LRRTM3: variants seen among roughly 807,000 people sequenced by gnomAD.
LRRTM3 encodes the protein leucine rich repeat transmembrane neuronal 3.
A neutral mutation model predicts 44.7 loss-of-function variants in LRRTM3; 24 were observed. That is an observed-to-expected ratio of 0.54 (90% confidence interval 0.39 to 0.76). LRRTM3 has a LOEUF of 0.76. Among genes scored for constraint, LRRTM3 ranks in the 30% least tolerant of loss-of-function variants. The pLI, the probability that LRRTM3 is intolerant of heterozygous loss-of-function variation, is 0.00. For missense variants in LRRTM3, 587 were observed against 702.2 expected, an observed-to-expected ratio of 0.84 and a Z score of 1.85; for synonymous variants, 277 against 278.7, an observed-to-expected ratio of 0.99 and a Z score of 0.06.
rs1160544866 is a variant in LRRTM3, at chr10:67,053,251, C to T, written c.1537-44336C>T. 3.9e-5 allele frequency among the ~76,000 whole-genome samples: 6 copies of T among 152,276 alleles called. No individual in the cohort carries two copies. The East Asian group carries it at 1.2e-3, about 29-fold the overall frequency. On this transcript the variant is annotated intron_variant, in intron 2 of 2. Coordinates refer to ENST00000361320, the MANE Select transcript of LRRTM3 (RefSeq NM_178011.5). ...ATAAGGCTACCTACACACTAGGATG[C>T]AGTGTTTTCCAAATACGCTAATCTT...
In LRRTM3 at chr10:66,972,542, T is replaced by C. The variant is rs73314105; in HGVS notation, c.1536+44090T>C. The stretch of plus-strand genomic sequence containing the variant: ...TGGTCCATTTGCTCTCGGAGAATAG[T>C]TAACTTTGTCATTAACAGGCCCATC... On this transcript the variant is annotated intron_variant, in intron 2 of 2. Coordinates refer to ENST00000361320, the MANE Select transcript of LRRTM3 (RefSeq NM_178011.5). Among the ~76,000 whole-genome samples the C allele has an allele frequency of 7.1e-3, 1,085 of 152,202 alleles. 18 individuals carry two copies. Among genetic ancestry groups the C allele is most frequent in the African/African-American group, 0.025 (1,036 of 41,496 alleles).
intron 2 of LRRTM3, among the ~76,000 whole-genome samples, chr10:66,998,699 C>T (rs1447875428): frequency 6.6e-6 from 1 of 151,960 alleles, no homozygotes; most frequent in Admixed American, 6.6e-5. Context: ...TAACATTGTC[C>T]AGAATATACA....
rs532987643 is a variant in LRRTM3 at position 67,020,572 on chromosome 10, G to C, written c.1537-77015G>C. On this transcript the variant is annotated intron_variant, in intron 2 of 2. Coordinates refer to ENST00000361320, the MANE Select transcript of LRRTM3 (RefSeq NM_178011.5). ...ATTCAACAAATATTTACTAAATTTT[G>C]TTATGTCTTATCCACTGTATTGGGC... Among the ~76,000 whole-genome samples the C allele has an allele frequency of 3.9e-5, 6 of 152,176 alleles. No individual in the cohort carries two copies. In the South Asian group the frequency reaches 1.2e-3, roughly 32 times the overall value.
At position 66,928,094 on chromosome 10, in the gene LRRTM3, C is replaced by T; in HGVS notation, c.1178C>T (p.Pro393Leu). 3.1e-6 allele frequency: 5 copies of T among 1,614,064 alleles called. No individual in the cohort carries two copies. Among genetic ancestry groups the T allele is most frequent in the Non-Finnish European group, 4.2e-6 (5 of 1,180,034 alleles). ...CCCAGGCCGAAGCATGAGAGCAAACCCCCTTTGCCCCCGACGGTGGGAGCC... is the reference window on the plus strand; with the variant it reads ...CCCAGGCCGAAGCATGAGAGCAAACTCCCTTTGCCCCCGACGGTGGGAGCC... ...KLPRPKHESKPPLPPTVGATE... is the reference protein window; with the variant it reads ...KLPRPKHESKLPLPPTVGATE... The change falls in exon 2 of 3, where the codon CCC (proline) becomes CTC (leucine). Residue 393 changes from proline (P) to leucine (L), a missense_variant. By Grantham distance (98) the Pro-to-Leu change is moderately conservative. Coordinates refer to ENST00000361320, the MANE Select transcript of LRRTM3 (RefSeq NM_178011.5).
chr10:66,969,862 A>C (rs916882846), intron 2 of LRRTM3, among the ~76,000 whole-genome samples: 3 of 152,134 alleles, frequency 2.0e-5, no homozygotes, highest in Admixed American at 1.3e-4. Flanking sequence ...TTTCCACAAC[A>C]TGGAGAGTAT....
At chr10:67,054,287 GA>G (rs1477361414) in intron 2 of LRRTM3, among the ~76,000 whole-genome samples, 1 of 152,028 alleles carries the variant, frequency 6.6e-6, no homozygotes, top group Non-Finnish European at 1.5e-5. Context: ...AGAACATCAG[GA>G]AGAAACATGT....
chr10:67,006,897 C>A (rs1852026279), intron 2 of LRRTM3, among the ~76,000 whole-genome samples: 1 of 152,026 alleles, frequency 6.6e-6, no homozygotes, highest in Non-Finnish European at 1.5e-5. Context: ...GGGTTCAAGG[C>A]ATCCTCCTAC....
Position 66,984,300 on chromosome 10 carries a change from G to T in LRRTM3, c.1536+55848G>T, listed in dbSNP as rs578250842. ...AAGATAGTTGATAAACTGGCTAAAG[G>T]GAAACTAAGAGAATACCAAACATTA... is the stretch of plus-strand genomic sequence containing the variant. On this transcript the variant is annotated intron_variant, in intron 2 of 2. Transcript: ENST00000361320. 6.5e-4 allele frequency among the ~76,000 whole-genome samples: 99 copies of T among 152,218 alleles called. 1 individual carries two copies. The South Asian group carries it at 0.017, about 26-fold the overall frequency.
chr10:66,989,201 T>C (rs753633682), intron 2 of LRRTM3, among the ~76,000 whole-genome samples: 4 of 152,182 alleles, frequency 2.6e-5, no homozygotes, highest in Admixed American at 6.5e-5. Context: ...ATTCCTCTTC[T>C]TTCTCCAATT....
chr10:67,016,880 G>T (rs533836268), intron 2 of LRRTM3, among the ~76,000 whole-genome samples: 1 of 152,234 alleles, frequency 6.6e-6, no homozygotes, highest in East Asian at 1.9e-4. Flanking sequence ...TCTAAAACTG[G>T]AATGATACGA....
At chr10:66,989,793 C>T (rs1220283722) in intron 2 of LRRTM3, among the ~76,000 whole-genome samples, 1 of 152,112 alleles carries the variant, frequency 6.6e-6, no homozygotes, top group Non-Finnish European at 1.5e-5. Flanking sequence ...GGCTGCTGGT[C>T]TGAGCTCATC....
chr10:67,096,564 A>G (rs1858006589), intron 2 of LRRTM3, among the ~76,000 whole-genome samples: 1 of 151,912 alleles, frequency 6.6e-6, no homozygotes, highest in South Asian at 2.1e-4. Context: ...TATTAAACCA[A>G]GATCAGGACT....
At chr10:67,085,095 A>T (rs944507425) in intron 2 of LRRTM3, among the ~76,000 whole-genome samples, 1 of 151,976 alleles carries the variant, frequency 6.6e-6, no homozygotes, top group Non-Finnish European at 1.5e-5. Context: ...AATTGCATTC[A>T]ATATCTACTT....
At chr10:67,058,616 T>C (rs926663801) in intron 2 of LRRTM3, among the ~76,000 whole-genome samples, 2 of 152,140 alleles carry the variant, frequency 1.3e-5, no homozygotes, top group Admixed American at 1.3e-4. Flanking sequence ...CCCTTTTTTT[T>C]CTGTGCGCAG....
chr10:66,935,107 T>A (rs1847622500), intron 2 of LRRTM3, among the ~76,000 whole-genome samples: 1 of 152,242 alleles, frequency 6.6e-6, no homozygotes, highest in Non-Finnish European at 1.5e-5. Flanking sequence ...AAAGAAAGAA[T>A]ATGCTTACCA....
rs1293996810 is a variant in LRRTM3 at position 67,100,890 on chromosome 10, C to T, written c.*3094C>T. Among the ~76,000 whole-genome samples, 1 of 151,684 alleles carries T rather than the reference C, an allele frequency of 6.6e-6. No homozygotes were observed. The highest frequency in any genetic ancestry group is 1.5e-5 in the Non-Finnish European group (1 of 67,790). The stretch of plus-strand genomic sequence containing the variant: ...AATTTACAGGCTGTTAGTCTTTCCA[C>T]TGTACTAAAAGATTTCTTTCTCTGA... On this transcript the variant is annotated 3_prime_UTR_variant, in exon 3 of 3. Coordinates refer to ENST00000361320, the MANE Select transcript of LRRTM3 (RefSeq NM_178011.5).
intron 2 of LRRTM3, among the ~76,000 whole-genome samples, chr10:67,058,684 G>A (rs986935836): frequency 6.6e-6 from 1 of 152,034 alleles, no homozygotes; most frequent in African/African-American, 2.4e-5. Context: ...AAACATGAAG[G>A]ATAACCACAG....
At chr10:67,026,515 T>C (rs947831321) in intron 2 of LRRTM3, among the ~76,000 whole-genome samples, 3 of 152,106 alleles carry the variant, frequency 2.0e-5, no homozygotes, top group Admixed American at 1.3e-4. Context: ...AAGTTTTAAA[T>C]CTTCATAAAG....
intron 2 of LRRTM3, among the ~76,000 whole-genome samples, chr10:66,949,989 A>G (rs1848455678): frequency 6.6e-6 from 1 of 152,178 alleles, no homozygotes; most frequent in Admixed American, 6.5e-5. Flanking sequence ...CCCATGACTT[A>G]ACACAATCTG....
Sources: gnomAD v4.1 joint callset for allele counts (sites outside exome capture counted in the v4.1 genomes callset) on GRCh38, gnomAD v4.1.1 for gene constraint, MANE v1.5 for transcripts, NCBI Gene and HGNC (gene_info 2026-07-23, HGNC 2026-07-21) for gene names.